EXD3: variants seen among roughly 807,000 people sequenced by gnomAD.
EXD3 encodes exonuclease mut-7 homolog.
EXD3 carries 92 observed loss-of-function variants against 98.0 expected under a neutral mutation model. The ratio of observed to expected loss-of-function variants is 0.94; its 90% CI spans 0.79 to 1.12. The LOEUF (loss-of-function observed/expected upper bound fraction) is 1.12, where lower values mean the gene tolerates loss of function less well. EXD3 is among the 50% of genes most tolerant of loss of function. EXD3 has a pLI of 0.00. For synonymous variants in EXD3, 569 were observed against 526.0 expected, an observed-to-expected ratio of 1.08 and a Z score of -1.12; for missense variants, 1,222 against 1,191.6, an observed-to-expected ratio of 1.03 and a Z score of -0.38.
rs748043355 is a variant in EXD3 at position 137,348,183 on chromosome 9, G to A, written c.1886C>T (p.Ala629Val). Reference sequence around the variant, plus strand: ...CATGTTGTCACACACCACACGGAAGGCCCTGGCCGGAATCTGAGGGGCAGC... The same window carrying A: ...CATGTTGTCACACACCACACGGAAGACCCTGGCCGGAATCTGAGGGGCAGC... ...EGAAPQIPAR[A>V]FRVVCDNMLQ... The change falls in exon 17 of 22, where the codon GCC becomes GTC. Residue 629 changes from alanine (A) to valine (V), a missense_variant. By Grantham distance (64) the Ala-to-Val change is moderately conservative. Transcript: ENST00000340951. 4 of 1,611,804 alleles carry A rather than the reference G, an allele frequency of 2.5e-6. No homozygotes were observed. In the African/African-American group the frequency reaches 5.3e-5, roughly 22 times the overall value.
chr9:137,402,430 A>G (rs1237306227), intron 1 of EXD3, among the ~76,000 whole-genome samples: 1 of 152,202 alleles, frequency 6.6e-6, no homozygotes, highest in Non-Finnish European at 1.5e-5. Flanking sequence ...ATAAATCTCT[A>G]GGACAGGCAC....
rs1003424260 is a variant in EXD3, at chr9:137,403,296, C to T, written c.-47-7892G>A. ...GGGCCCCAGAAGATGCAGACCCGAACGCGTCTCCTCCCGGCTGGTCTGTCC... is the reference window on the plus strand; with the variant it reads ...GGGCCCCAGAAGATGCAGACCCGAATGCGTCTCCTCCCGGCTGGTCTGTCC... On this transcript the variant is annotated intron_variant, in intron 1 of 21. Transcript: ENST00000340951. This position sits in a 1 kb window ranked among gnomAD's most constrained non-coding sequence, Gnocchi z 6.1. 2.6e-5 allele frequency among the ~76,000 whole-genome samples: 4 copies of T among 151,968 alleles called. No homozygotes were observed. The highest frequency in any genetic ancestry group is 4.8e-5 in the African/African-American group (2 of 41,394).
chr9:137,392,643 G>A (rs955174464), intron 2 of EXD3: 8 of 324,894 alleles, frequency 2.5e-5, no homozygotes, highest in Non-Finnish European at 4.2e-5. Context: ...CAGAAAGGAT[G>A]GGGGGATGTG....
In EXD3 at chr9:137,349,617, G is replaced by A. The variant is rs985850853; in HGVS notation, c.1495-86C>T. 21 of 1,360,038 alleles carry A rather than the reference G, an allele frequency of 1.5e-5. No individual in the cohort carries two copies. The South Asian group carries it at 3.1e-4, about 20-fold the overall frequency. 84.2% of individuals were successfully genotyped at this position (1,360,038 alleles called of 1,614,324 possible). A position where few individuals can be genotyped will look rare whatever the true frequency, so the allele number is the denominator to read the frequency against. On this transcript the variant is annotated intron_variant, in intron 14 of 21. Transcript: ENST00000340951. The surrounding 1 kb of genome is among the most constrained non-coding windows in gnomAD (Gnocchi z 7.4). ...GCCCACTCACACCAGCCCTGCGGGGGCTCTGGAGGAGGCCCCGCCCCCTCC... is the reference window on the plus strand; with the variant it reads ...GCCCACTCACACCAGCCCTGCGGGGACTCTGGAGGAGGCCCCGCCCCCTCC...
chr9:137,356,218 T>C (rs1347419118), intron 8 of EXD3, 50 bp downstream of exon 8: 2 of 1,414,556 alleles, frequency 1.4e-6, no homozygotes, highest in East Asian at 2.5e-5. Flanking sequence ...CTGGCCACGC[T>C]TGGCGGCTCT....
intron 7 of EXD3, among the ~76,000 whole-genome samples, chr9:137,361,797 G>A (rs1423912246): frequency 1.4e-5 from 2 of 145,924 alleles, no homozygotes; most frequent in Non-Finnish European, 3.0e-5. Flanking sequence ...GAAATATGAG[G>A]CCAAATGTGA....
intron 21 of EXD3, 92 bp downstream of exon 21, chr9:137,307,516 G>T (rs759211061): frequency 6.6e-7 from 1 of 1,507,684 alleles, no homozygotes; most frequent in East Asian, 2.4e-5. Flanking sequence ...CCCTCTGCCC[G>T]GCCGGGACCC....
At chr9:137,397,250 G>A (rs144825709) in intron 1 of EXD3, among the ~76,000 whole-genome samples, 174 of 152,278 alleles carry the variant, frequency 1.1e-3, no homozygotes, top group African/African-American at 4.0e-3. Flanking sequence ...CCAAGCCCAC[G>A]AAAGCCGGAG....
chr9:137,366,265 A>G, intron 7 of EXD3: 1 of 712,506 alleles, frequency 1.4e-6, no homozygotes, highest in Non-Finnish European at 2.5e-6. Flanking sequence ...TTCTAAGAGC[A>G]GTTAACTCTT....
chr9:137,422,825 G>A (rs545951770), intron 1 of EXD3, among the ~76,000 whole-genome samples: 26 of 152,188 alleles, frequency 1.7e-4, no homozygotes, highest in Non-Finnish European at 3.1e-4. Context: ...GTGCTCGGAA[G>A]GCGCGGAGGA....
chr9:137,353,867 G>A (rs981017405), intron 10 of EXD3: 1 of 987,864 alleles, frequency 1.0e-6, no homozygotes, highest in Non-Finnish European at 1.2e-6. Context: ...GCAGCCTGAG[G>A]CTGCTTCCCC....
Position 137,371,341 on chromosome 9 carries a change from G to A in EXD3, c.462+1564C>T, listed in dbSNP as rs890799326. ...CAGCGCCATGCACCCGCCGCGAGAC[G>A]ACGGCCCCGGGCGTGGCAGGTGACA... is the stretch of plus-strand genomic sequence containing the variant. On this transcript the variant is annotated intron_variant, in intron 5 of 21. Coordinates refer to ENST00000340951, the MANE Select transcript of EXD3 (RefSeq NM_017820.5). The surrounding 1 kb of genome is among the most constrained non-coding windows in gnomAD (Gnocchi z 8.0). 2.6e-5 allele frequency among the ~76,000 whole-genome samples: 4 copies of A among 152,314 alleles called. No individual in the cohort carries two copies. The highest frequency in any genetic ancestry group is 4.8e-5 in the African/African-American group (2 of 41,574).
rs568976884 is a variant in EXD3 at position 137,306,898 on chromosome 9, C to T, written c.*52G>A. The T allele has an allele frequency of 9.8e-5, 147 of 1,498,042 alleles. No homozygotes were observed. The highest frequency in any genetic ancestry group is 6.1e-4 in the Middle Eastern group (3 of 4,910). The allele number at this position is 1,498,042 out of a possible 1,614,324, so 92.8% of individuals were successfully genotyped here. On this transcript the variant is annotated 3_prime_UTR_variant, in exon 22 of 22. Transcript: ENST00000340951. ...AGCATGAAACATGTGAGCCAGTCCA[C>T]GGCCATGGGCCCAGCAGTCGGGCAC...
At position 137,373,012 on chromosome 9, in the gene EXD3, G is replaced by A. The variant is rs142446144; in HGVS notation, c.355C>T (p.Pro119Ser). The A allele has an allele frequency of 1.9e-6, 3 of 1,605,312 alleles. No homozygotes were observed. Among genetic ancestry groups the A allele is most frequent in the African/African-American group, 1.3e-5 (1 of 75,036 alleles). Residue 119 changes from proline to serine, a missense_variant, in exon 5 of 22, where the codon CCC (proline) becomes TCC (serine). Pro to Ser is a moderately conservative substitution (Grantham distance 74, BLOSUM62 -1). Coordinates refer to ENST00000340951, the MANE Select transcript of EXD3 (RefSeq NM_017820.5). ...RAVKVLTESP[P>S]SLAAPLASIF... The stretch of plus-strand genomic sequence containing the variant: ...CTGGCCAGTGGTGCCGCAAGGCTGG[G>A]GGGGCTCTCAGTGAGGACTTTGACC...
At chr9:137,415,906 G>T (rs1838209782) in intron 1 of EXD3, among the ~76,000 whole-genome samples, 1 of 152,222 alleles carries the variant, frequency 6.6e-6, no homozygotes, top group Non-Finnish European at 1.5e-5. Flanking sequence ...ACGGTGCAAG[G>T]TCCCTTCTCA....
At chr9:137,345,460 G>A (rs978861604) in intron 17 of EXD3, among the ~76,000 whole-genome samples, 3 of 152,054 alleles carry the variant, frequency 2.0e-5, no homozygotes, top group African/African-American at 2.4e-5. Flanking sequence ...TCAGGAATTC[G>A]AGACCAGCCT....
chr9:137,358,051 G>T (rs977701048), intron 7 of EXD3, among the ~76,000 whole-genome samples: 3 of 152,094 alleles, frequency 2.0e-5, no homozygotes, highest in Non-Finnish European at 4.4e-5. Context: ...TCAGTCGGAG[G>T]TGAATCTCCT....
At chr9:137,419,889 G>A (rs998065000) in intron 1 of EXD3, among the ~76,000 whole-genome samples, 1 of 152,160 alleles carries the variant, frequency 6.6e-6, no homozygotes, top group Non-Finnish European at 1.5e-5. Flanking sequence ...GCCGGGCGCG[G>A]TGGCTCATGC....
chr9:137,365,606 CA>C, intron 7 of EXD3: 1 of 86,644 alleles, frequency 1.2e-5, no homozygotes, highest in East Asian at 2.9e-4. Flanking sequence ...CACACATGCA[CA>C]CACACGCACA....
Sources: gnomAD v4.1 joint callset for allele counts (sites outside exome capture counted in the v4.1 genomes callset) on GRCh38, gnomAD v4.1.1 for gene constraint, Gnocchi (gnomAD v3.1) non-coding constraint, MANE v1.5 for transcripts, NCBI Gene and HGNC (gene_info 2026-07-23, HGNC 2026-07-21) for gene names.